Variants in SLC12A8 observed in about 807,000 individuals in gnomAD.
The protein encoded by SLC12A8 is solute carrier family 12 member 8.
In SLC12A8, 69 loss-of-function variants were observed where a neutral mutation model predicts 75.6. The ratio of observed to expected loss-of-function variants is 0.91; its 90% CI spans 0.75 to 1.11. The LOEUF (loss-of-function observed/expected upper bound fraction) is 1.11, where lower values mean the gene tolerates loss of function less well. SLC12A8 is among the 50% of genes most tolerant of loss of function. The pLI, the probability that SLC12A8 is intolerant of heterozygous loss-of-function variation, is 0.00. For missense variants in SLC12A8, 877 were observed against 896.7 expected, an observed-to-expected ratio of 0.98 and a Z score of 0.28; for synonymous variants, 365 against 372.8, an observed-to-expected ratio of 0.98 and a Z score of 0.24.
intron 5 of SLC12A8, among the ~76,000 whole-genome samples, chr3:125,160,869 T>C (rs1272142224): frequency 6.6e-6 from 1 of 152,190 alleles, no homozygotes; most frequent in Non-Finnish European, 1.5e-5. Context: ...GCCAGAGCAC[T>C]GGCTGGGGAG....
At chr3:125,152,233 A>G (rs191434235) in intron 5 of SLC12A8, among the ~76,000 whole-genome samples, 2 of 152,362 alleles carry the variant, frequency 1.3e-5, no homozygotes, top group Admixed American at 1.3e-4. Flanking sequence ...ATAGAAATGT[A>G]TATAGGTTTG....
chr3:125,120,893 G>T (rs1334368303), intron 6 of SLC12A8: 6 of 698,938 alleles, frequency 8.6e-6, no homozygotes, highest in Admixed American at 2.1e-5. Context: ...ACCTTTGTGG[G>T]TTGGAGGAGG....
Position 125,083,898 on chromosome 3 carries a change from G to A in SLC12A8, c.2137C>T (p.His713Tyr), listed in dbSNP as rs1938391338. 6.2e-7 allele frequency: 1 copy of A among 1,612,444 alleles called. No homozygotes were observed. Among genetic ancestry groups the A allele is most frequent in the Non-Finnish European group, 8.5e-7 (1 of 1,179,448 alleles). Residue 713 changes from histidine (H) to tyrosine (Y), a missense_variant, in exon 14 of 14, where the codon CAC becomes TAC. His to Tyr is a moderately conservative substitution (Grantham distance 83, BLOSUM62 2). Coordinates refer to ENST00000469902, the MANE Select transcript of SLC12A8 (RefSeq NM_024628.6). The stretch of plus-strand genomic sequence containing the variant: ...AGGTCCCAGCACTGCATCTAGTAGT[G>A]AGGCATCAGCTGCTCCCGGTTCACG... ...SLVNREQLMP[H>Y]Y
At chr3:125,091,297 T>C in intron 12 of SLC12A8, 142 bp downstream of exon 12, 2 of 620,046 alleles carry the variant, frequency 3.2e-6, no homozygotes, top group Non-Finnish European at 5.9e-6. Context: ...GTCACAGTTC[T>C]CCTCCTAGAC....
At chr3:125,087,163 C>T (rs560264528) in intron 13 of SLC12A8, among the ~76,000 whole-genome samples, 15 of 151,092 alleles carry the variant, frequency 9.9e-5, no homozygotes, top group East Asian at 1.9e-4. Flanking sequence ...GGCACGATCC[C>T]GGCTCACAGT....
At chr3:125,175,951 G>A (rs1269140825) in intron 5 of SLC12A8, among the ~76,000 whole-genome samples, 3 of 152,088 alleles carry the variant, frequency 2.0e-5, no homozygotes, top group Non-Finnish European at 4.4e-5. Context: ...GGATGCCAGA[G>A]GGTAGGGGAT....
At chr3:125,206,364 G>T (rs528058488) in intron 2 of SLC12A8, among the ~76,000 whole-genome samples, 2 of 152,274 alleles carry the variant, frequency 1.3e-5, no homozygotes, top group East Asian at 3.9e-4. Flanking sequence ...CAATATTTAC[G>T]TCCTCCTGGA....
intron 5 of SLC12A8, among the ~76,000 whole-genome samples, chr3:125,140,176 A>C (rs1368017390): frequency 6.6e-6 from 1 of 152,212 alleles, no homozygotes; most frequent in Non-Finnish European, 1.5e-5. Context: ...CTCCAAGGAC[A>C]CCACAGGGCA....
At chr3:125,128,918 C>G (rs1028142030) in intron 6 of SLC12A8, among the ~76,000 whole-genome samples, 6 of 152,234 alleles carry the variant, frequency 3.9e-5, no homozygotes, top group African/African-American at 1.4e-4. Context: ...GACAGCCAGC[C>G]AATTGGAGGG....
At chr3:125,160,234 G>A (rs972960070) in intron 5 of SLC12A8, among the ~76,000 whole-genome samples, 1 of 152,186 alleles carries the variant, frequency 6.6e-6, no homozygotes, top group Admixed American at 6.5e-5. Flanking sequence ...GTGAGCCACC[G>A]CACCCAGTGC....
chr3:125,166,772 G>A (rs1319997623), intron 5 of SLC12A8, among the ~76,000 whole-genome samples: 1 of 152,188 alleles, frequency 6.6e-6, no homozygotes, highest in Admixed American at 6.5e-5. Context: ...TTGGCTGAAA[G>A]AAAGCAAATT....
chr3:125,202,628 ATGT>A (rs1935146018), intron 2 of SLC12A8, among the ~76,000 whole-genome samples: 1 of 122,822 alleles, frequency 8.1e-6, no homozygotes, highest in Admixed American at 8.1e-5. Context: ...TGTATTAACC[ATGT>A]TTTTTTTTTT....
At chr3:125,196,028 G>A (rs964252978) in intron 2 of SLC12A8, among the ~76,000 whole-genome samples, 6 of 152,146 alleles carry the variant, frequency 3.9e-5, no homozygotes, top group African/African-American at 1.2e-4. Context: ...CTGCAAAAAG[G>A]TTATCATTCC....
intron 12 of SLC12A8, among the ~76,000 whole-genome samples, chr3:125,090,566 A>G (rs1938559243): frequency 6.6e-6 from 1 of 152,192 alleles, no homozygotes; most frequent in Non-Finnish European, 1.5e-5. Context: ...CTGTAGTTCT[A>G]TCAGGTTTTG....
rs542543587 is a variant in SLC12A8, at chr3:125,212,338, C to A, written c.-46+362G>T. On this transcript the variant is annotated intron_variant, in intron 1 of 13. Transcript: ENST00000469902. ...GCACCCGGGTGTCCCCGGCTGCCCG[C>A]GCCGCACAGAGCAAGGGACCCCAGG... Among the ~76,000 whole-genome samples, 5 of 152,266 alleles carry A rather than the reference C, an allele frequency of 3.3e-5. No individual in the cohort carries two copies. The South Asian group carries it at 1.0e-3, about 32-fold the overall frequency.
At chr3:125,107,455 C>T (rs1560053235) in intron 10 of SLC12A8, 26 bp downstream of exon 10, 1 of 1,579,074 alleles carries the variant, frequency 6.3e-7, no homozygotes, top group Admixed American at 1.7e-5. Context: ...AAATAAGAGG[C>T]CCCAGTGTGA....
chr3:125,152,932 G>A (rs1449660234), intron 5 of SLC12A8, among the ~76,000 whole-genome samples: 1 of 152,142 alleles, frequency 6.6e-6, no homozygotes, highest in Non-Finnish European at 1.5e-5. Flanking sequence ...AGGCTTTGAT[G>A]ACTACCTATA....
intron 10 of SLC12A8, among the ~76,000 whole-genome samples, chr3:125,097,145 G>A (rs921873758): frequency 3.3e-5 from 5 of 152,120 alleles, no homozygotes; most frequent in East Asian, 1.9e-4. Context: ...AGCACTTTGC[G>A]AGGCCAAGGG....
At chr3:125,092,689 G>A (rs1938615917) in intron 10 of SLC12A8, among the ~76,000 whole-genome samples, 1 of 152,154 alleles carries the variant, frequency 6.6e-6, no homozygotes, top group South Asian at 2.1e-4. Context: ...GAAAGATGGA[G>A]GGAGAATAGC....
Sources: gnomAD v4.1 joint callset for allele counts (sites outside exome capture counted in the v4.1 genomes callset) on GRCh38, gnomAD v4.1.1 for gene constraint, MANE v1.5 for transcripts, NCBI Gene and HGNC (gene_info 2026-07-23, HGNC 2026-07-21) for gene names.